The following RTN4RL1 variants were observed in gnomAD, a reference collection of about 807,000 sequenced individuals.
RTN4RL1 encodes reticulon 4 receptor like 1.
RTN4RL1 carries 7 observed loss-of-function variants against 25.6 expected under a neutral mutation model. The ratio of observed to expected loss-of-function variants is 0.27; its 90% CI spans 0.16 to 0.51. RTN4RL1 has a LOEUF of 0.51. Among genes scored for constraint, RTN4RL1 ranks in the 20% least tolerant of loss-of-function variants. The pLI, the probability that RTN4RL1 is intolerant of heterozygous loss-of-function variation, is 0.97. For synonymous variants in RTN4RL1, 297 were observed against 288.2 expected (o/e 1.03, Z -0.31); for missense variants, 500 against 615.6 (o/e 0.81, Z 1.99).
intron 1 of RTN4RL1, among the ~76,000 whole-genome samples, chr17:1,961,244 C>T (rs1915888035): frequency 6.6e-6 from 1 of 151,904 alleles, no homozygotes; most frequent in Non-Finnish European, 1.5e-5. Flanking sequence ...GGAGGAGTAA[C>T]CAGGAAAAGT....
intron 1 of RTN4RL1, among the ~76,000 whole-genome samples, chr17:1,943,487 T>C (rs1344012232): frequency 3.3e-5 from 5 of 152,130 alleles, no homozygotes; most frequent in African/African-American, 1.2e-4. Flanking sequence ...GCTCTCTGGG[T>C]CTTGGAGACC....
Position 1,935,486 on chromosome 17 carries a change from T to A in RTN4RL1, c.*1010A>T. The A allele has an allele frequency of 1.1e-6, 1 of 949,356 alleles. No individual in the cohort carries two copies. The highest frequency in any genetic ancestry group is 1.8e-5 in the African/African-American group (1 of 56,440). The allele number at this position is 949,356 out of a possible 1,614,324, so 58.8% of individuals were successfully genotyped here. On this transcript the variant is annotated 3_prime_UTR_variant, in exon 2 of 2. Transcript: ENST00000331238. ...AAAGTGACTCTTGCTGCCTCCCCCT[T>A]CCTCACCGTCCCGCCGACACCTTGC... is the stretch of plus-strand genomic sequence containing the variant.
At chr17:1,960,724 C>A (rs1915878632) in intron 1 of RTN4RL1, among the ~76,000 whole-genome samples, 1 of 152,138 alleles carries the variant, frequency 6.6e-6, no homozygotes, top group South Asian at 2.1e-4. Flanking sequence ...CCTCCCCCAG[C>A]CCCTGGCAAA....
At chr17:2,000,663 G>A (rs1035298871) in intron 1 of RTN4RL1, among the ~76,000 whole-genome samples, 1 of 152,080 alleles carries the variant, frequency 6.6e-6, no homozygotes, top group Non-Finnish European at 1.5e-5. Flanking sequence ...GGGATTACAG[G>A]GGCGTGCCAC....
chr17:1,964,844 A>G (rs1216355515), intron 1 of RTN4RL1, among the ~76,000 whole-genome samples: 1 of 132,444 alleles, frequency 7.6e-6, no homozygotes, highest in Non-Finnish European at 1.5e-5. Flanking sequence ...GCTGGAGTGC[A>G]GTGGCGCAAT....
At chr17:1,966,136 G>A (rs1410157826) in intron 1 of RTN4RL1, among the ~76,000 whole-genome samples, 1 of 152,158 alleles carries the variant, frequency 6.6e-6, no homozygotes, top group East Asian at 1.9e-4. Context: ...ATTCCCAGGA[G>A]ACAGATGGAA....
chr17:1,939,332 G>A (rs572592625), intron 1 of RTN4RL1, among the ~76,000 whole-genome samples: 12 of 151,666 alleles, frequency 7.9e-5, no homozygotes, highest in South Asian at 4.2e-4. Flanking sequence ...CAGCCTGGGC[G>A]ACAGAGCGAA....
In RTN4RL1 at chr17:2,024,891, G is replaced by T; in HGVS notation, c.-26C>A. On this transcript the variant is annotated 5_prime_UTR_variant, in exon 1 of 2. Transcript: ENST00000331238. Reference sequence around the variant, plus strand: ...GTTGGCCACGGGGCCGCCGCTCCGAGGTCGGCCTAGGCGCACTCCCTCCCG... The same window carrying T: ...GTTGGCCACGGGGCCGCCGCTCCGATGTCGGCCTAGGCGCACTCCCTCCCG... 6.3e-7 allele frequency: 1 copy of T among 1,582,250 alleles called. No individual in the cohort carries two copies. Among genetic ancestry groups the T allele is most frequent in the Non-Finnish European group, 8.6e-7 (1 of 1,164,972 alleles).
At chr17:1,992,612 G>T (rs7225156) in intron 1 of RTN4RL1, among the ~76,000 whole-genome samples, 8 of 152,146 alleles carry the variant, frequency 5.3e-5, no homozygotes, top group Admixed American at 6.5e-5. Context: ...CCTGTCTCGC[G>T]GGTGGCTGGG....
At chr17:1,944,294 C>T (rs962440050) in intron 1 of RTN4RL1, among the ~76,000 whole-genome samples, 8 of 152,180 alleles carry the variant, frequency 5.3e-5, no homozygotes, top group African/African-American at 1.9e-4. Flanking sequence ...TTTAAAGCTC[C>T]AGCGTGGCCC....
chr17:1,966,603 C>T (rs1235276245), intron 1 of RTN4RL1, among the ~76,000 whole-genome samples: 2 of 152,110 alleles, frequency 1.3e-5, no homozygotes, highest in Non-Finnish European at 2.9e-5. Flanking sequence ...GAAGGGCAGT[C>T]TCTGTCTTGG....
At chr17:1,979,501 A>G (rs187261163) in intron 1 of RTN4RL1, among the ~76,000 whole-genome samples, 106 of 105,496 alleles carry the variant, frequency 1.0e-3, no homozygotes, top group African/African-American at 3.5e-3. Context: ...AAAGACAAAG[A>G]AGGAAAGAAA....
chr17:1,956,141 C>T (rs1915787782), intron 1 of RTN4RL1, among the ~76,000 whole-genome samples: 1 of 152,122 alleles, frequency 6.6e-6, no homozygotes, highest in Non-Finnish European at 1.5e-5. Flanking sequence ...TTCAGCAGCT[C>T]TCAGGGGGTC....
intron 1 of RTN4RL1, among the ~76,000 whole-genome samples, chr17:1,940,194 C>T (rs1915412454): frequency 6.6e-6 from 1 of 152,258 alleles, no homozygotes; most frequent in South Asian, 2.1e-4. Flanking sequence ...CCTGTAATCA[C>T]CCGGCTTCGA....
intron 1 of RTN4RL1, among the ~76,000 whole-genome samples, chr17:1,966,807 G>GT (rs1466441159): frequency 6.6e-6 from 1 of 152,098 alleles, no homozygotes; most frequent in Non-Finnish European, 1.5e-5. Context: ...ATTTTACCTA[G>GT]TTCCGGCATT....
intron 1 of RTN4RL1, among the ~76,000 whole-genome samples, chr17:1,958,251 T>TC: frequency 6.6e-6 from 1 of 152,198 alleles, no homozygotes; most frequent in East Asian, 1.9e-4. Context: ...GGAGTCAAGA[T>TC]TCAAACAAGA....
chr17:2,024,223 G>A (rs1420471483), intron 1 of RTN4RL1, among the ~76,000 whole-genome samples: 1 of 152,242 alleles, frequency 6.6e-6, no homozygotes, highest in Non-Finnish European at 1.5e-5. Flanking sequence ...GCGCACACTG[G>A]CGGCACGGCT....
rs566557363 is a variant in RTN4RL1 at position 1,958,768 on chromosome 17, A to G, written c.14-20960T>C. 7.2e-4 allele frequency among the ~76,000 whole-genome samples: 110 copies of G among 152,366 alleles called. 1 individual carries two copies. The highest frequency in any genetic ancestry group is 1.6e-3 in the Admixed American group (25 of 15,300). ...CTGCTTAGCAGGGCTTGCTGGTGAC[A>G]GGCCTGGGTTCACACGTCCTCCTCC... On this transcript the variant is annotated intron_variant, in intron 1 of 1. Transcript: ENST00000331238.
At chr17:1,938,449 G>A (rs1185031503) in intron 1 of RTN4RL1, among the ~76,000 whole-genome samples, 1 of 151,638 alleles carries the variant, frequency 6.6e-6, no homozygotes, top group Non-Finnish European at 1.5e-5. Flanking sequence ...TTATAGGTGC[G>A]CACCATCACG....
Sources: gnomAD v4.1 joint callset for allele counts (sites outside exome capture counted in the v4.1 genomes callset) on GRCh38, gnomAD v4.1.1 for gene constraint, MANE v1.5 for transcripts, NCBI Gene and HGNC (gene_info 2026-07-23, HGNC 2026-07-21) for gene names.